MYL6: variants seen among roughly 807,000 people sequenced by gnomAD.
MYL6 encodes myosin light chain 6, also known as myosin light polypeptide 6.
In MYL6, 20 loss-of-function variants were observed where a neutral mutation model predicts 20.3. That is an observed-to-expected ratio of 0.98 (90% CI 0.69 to 1.43). The LOEUF (loss-of-function observed/expected upper bound fraction) is 1.43, where lower values mean the gene tolerates loss of function less well. Among genes scored for constraint, MYL6 ranks in the 40% most tolerant of loss-of-function variants. The pLI is 0.00. For synonymous variants in MYL6, 77 were observed against 72.4 expected, an observed-to-expected ratio of 1.06 and a Z score of -0.32; for missense variants, 164 against 191.0, an observed-to-expected ratio of 0.86 and a Z score of 0.83.
At position 56,160,166 on chromosome 12, in the gene MYL6, T is replaced by C. The variant is rs758632362; in HGVS notation, c.349+18T>C. 9 of 1,613,734 alleles carry C rather than the reference T, an allele frequency of 5.6e-6. No homozygotes were observed. The African/African-American group carries it at 1.2e-4, about 22-fold the overall frequency. On this transcript the variant is annotated intron_variant, in intron 4 of 6. Transcript: ENST00000550697. ...CACACTGGGTAAGGTTCTGTGTCCT[T>C]GTCCTTGAGCTGAGATGGCACCCTG...
At position 56,160,289 on chromosome 12, in the gene MYL6, T is replaced by G. The variant is rs1297450675; in HGVS notation, c.396T>G (p.His132Gln). 6.2e-7 allele frequency: 1 copy of G among 1,614,222 alleles called. No individual in the cohort carries two copies. Among genetic ancestry groups the G allele is most frequent in the Non-Finnish European group, 8.5e-7 (1 of 1,180,038 alleles). The stretch of plus-strand genomic sequence containing the variant: ...AAGTAGAGATGCTGGTGGCAGGGCA[T>G]GAGGACAGCAATGGTTGTATCAACT... ...EEEVEMLVAG[H>Q]EDSNGCINYE... Residue 132 changes from histidine to glutamine, a missense_variant, in exon 5 of 7, where the codon CAT becomes CAG. Coordinates refer to ENST00000550697, the MANE Select transcript of MYL6 (RefSeq NM_021019.5).
rs1871717854 is a variant in MYL6, at chr12:56,160,611, T to C, written c.428-15T>C. On this transcript the variant is annotated splice_polypyrimidine_tract_variant and intron_variant, in intron 5 of 6. Coordinates refer to ENST00000550697, the MANE Select transcript of MYL6 (RefSeq NM_021019.5). ...TTGTCTTGTCTTCACCATGAATGTC[T>C]CTTCCTTCCTGCAGCGTTTGTGAGG... is the stretch of plus-strand genomic sequence containing the variant. The C allele has an allele frequency of 6.2e-7, 1 of 1,614,094 alleles. No individual in the cohort carries two copies. Among genetic ancestry groups the C allele is most frequent in the African/African-American group, 1.3e-5 (1 of 74,948 alleles).
rs891729765 is a variant in MYL6 at position 56,159,704 on chromosome 12, A to C, written c.149A>C (p.Lys50Thr). ...GQNPTNAEVLKVLGNPKSDEM... is the reference protein window; with the variant it reads ...GQNPTNAEVLTVLGNPKSDEM... Reference sequence around the variant, plus strand: ...AACCCTACCAACGCCGAGGTGCTCAAGGTCCTGGGGAACCCCAAGAGTGAT... The same window carrying C: ...AACCCTACCAACGCCGAGGTGCTCACGGTCCTGGGGAACCCCAAGAGTGAT... The change falls in exon 3 of 7, where the codon AAG becomes ACG. Residue 50 changes from lysine (K) to threonine (T), a missense_variant. Coordinates refer to ENST00000550697, the MANE Select transcript of MYL6 (RefSeq NM_021019.5). 2 of 1,614,066 alleles carry C rather than the reference A, an allele frequency of 1.2e-6. No homozygotes were observed. The highest frequency in any genetic ancestry group is 1.7e-6 in the Non-Finnish European group (2 of 1,180,012).
In MYL6 at chr12:56,158,386, G is replaced by A. The variant is rs751882807; in HGVS notation, c.-16G>A. 6.6e-7 allele frequency: 1 copy of A among 1,521,512 alleles called. No homozygotes were observed. The allele number at this position is 1,521,512 out of a possible 1,614,324, so 94.3% of individuals were successfully genotyped here. Reference sequence around the variant, plus strand: ...CATTACTGCAGGAAAAGGTCCCGGAGAGCTGAGCAGTCAAGATGGTGGGGC... The same window carrying A: ...CATTACTGCAGGAAAAGGTCCCGGAAAGCTGAGCAGTCAAGATGGTGGGGC... On this transcript the variant is annotated 5_prime_UTR_variant, in exon 1 of 7. Transcript: ENST00000550697.
rs760040236 is a variant in MYL6 at position 56,158,379 on chromosome 12, T to C, written c.-23T>C. On this transcript the variant is annotated 5_prime_UTR_variant, in exon 1 of 7. Transcript: ENST00000550697. ...TCGGAGCCATTACTGCAGGAAAAGGTCCCGGAGAGCTGAGCAGTCAAGATG... is the reference window on the plus strand; with the variant it reads ...TCGGAGCCATTACTGCAGGAAAAGGCCCCGGAGAGCTGAGCAGTCAAGATG... The C allele has an allele frequency of 6.6e-7, 1 of 1,518,848 alleles. No homozygotes were observed. The highest frequency in any genetic ancestry group is 8.8e-7 in the Non-Finnish European group (1 of 1,136,788). The allele number at this position is 1,518,848 out of a possible 1,614,324, so 94.1% of individuals were successfully genotyped here. A position where few individuals can be genotyped will look rare whatever the true frequency, so the allele number is the denominator to read the frequency against.
At chr12:56,159,017 C>G in intron 2 of MYL6, 2 of 1,121,070 alleles carry the variant, frequency 1.8e-6, no homozygotes, top group East Asian at 3.2e-5. Context: ...GCCTGCTTTC[C>G]TTTGTCCTTT....
intron 2 of MYL6, chr12:56,159,209 T>G: frequency 7.2e-6 from 2 of 278,360 alleles, no homozygotes; most frequent in Non-Finnish European, 1.4e-5. Context: ...ACTGGAGGGG[T>G]GCGAAGTGGC....
chr12:56,160,889 C>T, intron 6 of MYL6: 2 of 601,198 alleles, frequency 3.3e-6, no homozygotes, highest in South Asian at 2.0e-5. Flanking sequence ...TGAGGTTTTA[C>T]TTATGCGGCC....
At chr12:56,160,387 G>C in intron 5 of MYL6, 67 bp downstream of exon 5, 2 of 1,596,226 alleles carry the variant, frequency 1.3e-6, no homozygotes, top group Non-Finnish European at 1.7e-6. Context: ...TAGTGTCTGG[G>C]GCTTTCCCTA....
chr12:56,158,526 G>A (rs769341391), intron 1 of MYL6, 122 bp downstream of exon 1: 1 of 1,608,582 alleles, frequency 6.2e-7, no homozygotes. Flanking sequence ...AAAGGTTGGA[G>A]GTGGGGTTGG....
Position 56,160,330 on chromosome 12 carries a change from G to T in MYL6, c.427+10G>T. 1 of 1,614,142 alleles carries T rather than the reference G, an allele frequency of 6.2e-7. No homozygotes were observed. Among genetic ancestry groups the T allele is most frequent in the South Asian group, 1.1e-5 (1 of 91,060 alleles). On this transcript the variant is annotated intron_variant, in intron 5 of 6. Transcript: ENST00000550697. ...TGTATCAACTATGAAGGTAAGAGGT[G>T]AACTGCGCTTTCTCAGAGAAAGCAG... is the stretch of plus-strand genomic sequence containing the variant.
intron 2 of MYL6, 123 bp downstream of exon 2, chr12:56,158,834 T>G: frequency 6.5e-7 from 1 of 1,529,506 alleles, no homozygotes; most frequent in Non-Finnish European, 8.7e-7. Flanking sequence ...CCCCCTGGAT[T>G]ATTTTCTCTT....
chr12:56,158,580 A>G (rs573894250), intron 1 of MYL6, 104 bp from the exon 2 acceptor site: 5 of 1,613,092 alleles, frequency 3.1e-6, no homozygotes, highest in Middle Eastern at 1.7e-4. Flanking sequence ...AGCCTGAAAC[A>G]GGAGTTTGTG....
rs1344047702 is a variant in MYL6, at chr12:56,158,690, T to C, written c.10T>C (p.Phe4Leu). ...TTCCCTCTTCTCTGAGCAGTGTGAC[T>C]TCACCGAAGACCAGACCGCAGGTAG... MCD[F>L]TEDQTAEFKE... The change falls in exon 2 of 7, where the codon TTC becomes CTC. Residue 4 changes from phenylalanine (F) to leucine (L), a missense_variant. Physicochemically the swap from Phe to Leu is conservative, Grantham distance 22. Coordinates refer to ENST00000550697, the MANE Select transcript of MYL6 (RefSeq NM_021019.5). 1.9e-6 allele frequency: 3 copies of C among 1,614,064 alleles called. No homozygotes were observed. In the East Asian group the frequency reaches 6.7e-5, roughly 36 times the overall value.
Position 56,160,269 on chromosome 12 carries a change from G to C in MYL6, c.376G>C (p.Glu126Gln). Reference sequence around the variant, plus strand: ...TGAGAAGATGACAGAGGAAGAAGTAGAGATGCTGGTGGCAGGGCATGAGGA... The same window carrying C: ...TGAGAAGATGACAGAGGAAGAAGTACAGATGCTGGTGGCAGGGCATGAGGA... ...LGEKMTEEEV[E>Q]MLVAGHEDSN... is the part of the protein sequence containing the mutation. Residue 126 changes from glutamate (E) to glutamine (Q), a missense_variant, in exon 5 of 7, where the codon GAG becomes CAG. By Grantham distance (29) the Glu-to-Gln change is conservative (BLOSUM62 2). Coordinates refer to ENST00000550697, the MANE Select transcript of MYL6 (RefSeq NM_021019.5). 1.2e-6 allele frequency: 2 copies of C among 1,614,256 alleles called. No homozygotes were observed. Among genetic ancestry groups the C allele is most frequent in the Non-Finnish European group, 1.7e-6 (2 of 1,180,054 alleles).
At chr12:56,159,460 T>C (rs947680676) in intron 2 of MYL6, 127 bp from the exon 3 acceptor site, 1 of 1,271,252 alleles carries the variant, frequency 7.9e-7, no homozygotes, top group African/African-American at 1.5e-5. Context: ...TAAGTAGACT[T>C]TGGTGTACAG....
chr12:56,160,834 A>C, intron 6 of MYL6, 164 bp downstream of exon 6: 1 of 755,584 alleles, frequency 1.3e-6, no homozygotes, highest in Non-Finnish European at 2.2e-6. Flanking sequence ...TCAAAGAGGA[A>C]GACAACCTGG....
chr12:56,160,764 C>A, intron 6 of MYL6, 94 bp downstream of exon 6: 1 of 1,348,232 alleles, frequency 7.4e-7, no homozygotes, highest in Non-Finnish European at 1.0e-6. Context: ...TACCCTACTA[C>A]CATCTGACTT....
chr12:56,158,948 A>C, intron 2 of MYL6: 1 of 1,401,982 alleles, frequency 7.1e-7, no homozygotes, highest in Non-Finnish European at 9.2e-7. Flanking sequence ...TGGGTATGTG[A>C]AAAAACTTGG....
Sources: allele counts gnomAD v4.1 joint callset, GRCh38; gene constraint gnomAD v4.1.1; transcripts MANE v1.5; gene names NCBI Gene and HGNC (gene_info 2026-07-23, HGNC 2026-07-21).